PFKP: variants seen among roughly 807,000 people sequenced by gnomAD.
PFKP encodes phosphofructokinase, platelet.
In PFKP, 101 loss-of-function variants were observed where a neutral mutation model predicts 94.3. The ratio of observed to expected loss-of-function variants is 1.07; its 90% CI spans 0.91 to 1.26. The LOEUF (loss-of-function observed/expected upper bound fraction) is 1.26. PFKP is among the 50% of genes most tolerant of loss of function. The pLI, the probability that PFKP is intolerant of heterozygous loss-of-function variation, is 0.00. For missense variants in PFKP, 1,145 were observed against 1,103.3 expected (o/e 1.04, Z -0.53); for synonymous variants, 573 against 432.6 (o/e 1.32, Z -4.03).
intron 4 of PFKP, 107 bp from the exon 5 acceptor site, chr10:3,103,672 A>C (rs1420786697): frequency 9.5e-7 from 1 of 1,055,126 alleles, no homozygotes; most frequent in African/African-American, 1.6e-5. Context: ...AAGAGTTTAG[A>C]ATGGTTGATT....
chr10:3,082,030 G>T (rs1310415037), intron 1 of PFKP, among the ~76,000 whole-genome samples: 3 of 103,878 alleles, frequency 2.9e-5, no homozygotes, highest in Non-Finnish European at 1.7e-5. Context: ...TTGGTGATGT[G>T]ATACTCCATT....
intron 16 of PFKP, chr10:3,125,298 CA>C: frequency 8.4e-7 from 1 of 1,189,400 alleles, no homozygotes. Flanking sequence ...TTTATTTTAG[CA>C]ACTTGTTTCT....
intron 1 of PFKP, among the ~76,000 whole-genome samples, chr10:3,077,360 C>T (rs1832695315): frequency 1.4e-5 from 2 of 138,810 alleles, no homozygotes; most frequent in Admixed American, 1.6e-4. Context: ...CTCCCGGGTT[C>T]AAGCGATTCT....
At chr10:3,136,427 G>C (rs771429418) in intron 21 of PFKP, 23 bp from the exon 22 acceptor site, 2 of 1,612,622 alleles carry the variant, frequency 1.2e-6, no homozygotes, top group Non-Finnish European at 1.7e-6. Context: ...AGGCCTCACT[G>C]CTGTCTCCTC....
intron 2 of PFKP, among the ~76,000 whole-genome samples, chr10:3,084,103 C>T (rs1446234445): frequency 2.0e-5 from 3 of 152,154 alleles, no homozygotes; most frequent in South Asian, 4.1e-4. Context: ...ATATTCAAAG[C>T]GATTTGATGT....
chr10:3,098,621 C>A (rs150207775), intron 2 of PFKP, among the ~76,000 whole-genome samples: 1 of 145,128 alleles, frequency 6.9e-6, no homozygotes, highest in East Asian at 2.1e-4. Context: ...TGCAGTGAGC[C>A]GAGATCGCGC....
chr10:3,130,934 TA>T (rs1188563764), intron 17 of PFKP, among the ~76,000 whole-genome samples: 1 of 152,220 alleles, frequency 6.6e-6, no homozygotes, highest in East Asian at 1.9e-4. Context: ...TGGCACTAAT[TA>T]TGTGACATGT....
In PFKP at chr10:3,103,985, C is replaced by A. The variant is rs773995294; in HGVS notation, c.620+41C>A. 11 of 1,591,492 alleles carry A rather than the reference C, an allele frequency of 6.9e-6. No individual in the cohort carries two copies. The South Asian group carries it at 1.2e-4, about 18-fold the overall frequency. On this transcript the variant is annotated intron_variant, in intron 5 of 21. Coordinates refer to ENST00000381125, the MANE Select transcript of PFKP (RefSeq NM_002627.5). ...GAACCGGCGGGAGGCCAGTGGGGCC[C>A]GACGTGTGCCCAGCTCAGACGTTAC...
chr10:3,136,714 G>C lies in PFKP; in HGVS notation c.*135G>C. On this transcript the variant is annotated 3_prime_UTR_variant, in exon 22 of 22. Coordinates refer to ENST00000381125, the MANE Select transcript of PFKP (RefSeq NM_002627.5). ...CGGCGAGTGCCCATCTGCCCCACCTGCTCCAGTGCGTGCTGTCTGTGGAGT... is the reference window on the plus strand; with the variant it reads ...CGGCGAGTGCCCATCTGCCCCACCTCCTCCAGTGCGTGCTGTCTGTGGAGT... The C allele has an allele frequency of 1.3e-6, 1 of 796,508 alleles. No individual in the cohort carries two copies. Among genetic ancestry groups the C allele is most frequent in the Non-Finnish European group, 2.0e-6 (1 of 498,190 alleles). 49.3% of individuals were successfully genotyped at this position (796,508 alleles called of 1,614,324 possible).
intron 7 of PFKP, 96 bp downstream of exon 7, chr10:3,105,597 A>G (rs1017135978): frequency 1.9e-5 from 16 of 836,198 alleles, no homozygotes; most frequent in Non-Finnish European, 3.2e-5. Flanking sequence ...CAAGTGAAAA[A>G]ATTTCTCTGT....
At chr10:3,103,196 TTTACCGA>T (rs2131550371) in intron 4 of PFKP, among the ~76,000 whole-genome samples, 1 of 152,378 alleles carries the variant, frequency 6.6e-6, no homozygotes, top group South Asian at 2.1e-4. Flanking sequence ...GAGATGTTTG[TTTACCGA>T]TTGCAAATGT....
chr10:3,087,969 C>T (rs891404207), intron 2 of PFKP, among the ~76,000 whole-genome samples: 2 of 141,636 alleles, frequency 1.4e-5, no homozygotes, highest in Non-Finnish European at 3.0e-5. Flanking sequence ...ATATAAAAAT[C>T]CTGTATCTTT....
In PFKP at chr10:3,103,201, C is replaced by T. The variant is rs1391776279; in HGVS notation, c.455-578C>T. Among the ~76,000 whole-genome samples the T allele has an allele frequency of 3.3e-5, 5 of 152,202 alleles. No individual in the cohort carries two copies. The East Asian group carries it at 5.8e-4, about 18-fold the overall frequency. ...AGGAAGTACTGAGATGTTTGTTTAC[C>T]GATTGCAAATGTGGATCCTTTCTTT... is the stretch of plus-strand genomic sequence containing the variant. On this transcript the variant is annotated intron_variant, in intron 4 of 21. Coordinates refer to ENST00000381125, the MANE Select transcript of PFKP (RefSeq NM_002627.5).
intron 3 of PFKP, among the ~76,000 whole-genome samples, chr10:3,099,601 C>A (rs1392984303): frequency 6.6e-6 from 1 of 152,180 alleles, no homozygotes; most frequent in Non-Finnish European, 1.5e-5. Flanking sequence ...GCTCATGGGG[C>A]CCACACCTTC....
At chr10:3,136,189 C>T (rs111953421) in intron 21 of PFKP, among the ~76,000 whole-genome samples, 77 of 152,210 alleles carry the variant, frequency 5.1e-4, no homozygotes, top group Middle Eastern at 6.8e-3. Context: ...CGCTTGAACC[C>T]GGGAGGCAGA....
intron 13 of PFKP, among the ~76,000 whole-genome samples, chr10:3,116,330 C>T (rs544041572): frequency 6.6e-6 from 1 of 152,322 alleles, no homozygotes; most frequent in South Asian, 2.1e-4. Flanking sequence ...CTCCTGCAGT[C>T]CTGCCGTCCT....
chr10:3,096,656 C>CCT (rs910980569), intron 2 of PFKP, among the ~76,000 whole-genome samples: 2 of 151,256 alleles, frequency 1.3e-5, no homozygotes, highest in African/African-American at 4.9e-5. Context: ...TTTCCTTGCC[C>CCT]CCCCGAGCTT....
chr10:3,109,343 C>T lies in PFKP; in HGVS notation c.964-12C>T. On this transcript the variant is annotated splice_polypyrimidine_tract_variant and intron_variant, in intron 9 of 21. Coordinates refer to ENST00000381125, the MANE Select transcript of PFKP (RefSeq NM_002627.5). Reference sequence around the variant, plus strand: ...GGAGGCTGCCCCTGACCCACATGGACCTGGTTTCCAGGCCAGCCGCATGGG... The same window carrying T: ...GGAGGCTGCCCCTGACCCACATGGATCTGGTTTCCAGGCCAGCCGCATGGG... The T allele has an allele frequency of 6.2e-7, 1 of 1,608,354 alleles. No individual in the cohort carries two copies. The highest frequency in any genetic ancestry group is 8.5e-7 in the Non-Finnish European group (1 of 1,179,978).
chr10:3,115,635 T>C (rs931826475), intron 13 of PFKP, among the ~76,000 whole-genome samples: 1 of 151,528 alleles, frequency 6.6e-6, no homozygotes, highest in African/African-American at 2.4e-5. Context: ...AGTAAGCCGC[T>C]GTGTCCCAGC....
Sources: allele counts gnomAD v4.1 joint callset (sites outside exome capture counted in the v4.1 genomes callset), GRCh38; gene constraint gnomAD v4.1.1; transcripts MANE v1.5; gene names NCBI Gene and HGNC (gene_info 2026-07-23, HGNC 2026-07-21).